Variants in ABCA8 observed in about 807,000 individuals in gnomAD.
ABCA8 encodes the protein ATP binding cassette subfamily A member 8, also known as ABC-type organic anion transporter ABCA8.
A neutral mutation model predicts 192.3 loss-of-function variants in ABCA8; 177 were observed. The ratio of observed to expected loss-of-function variants is 0.92; its 90% CI spans 0.81 to 1.04. The LOEUF (loss-of-function observed/expected upper bound fraction) is 1.04. Among genes scored for constraint, ABCA8 ranks in the 50% least tolerant of loss-of-function variants. ABCA8 has a pLI of 0.00. For synonymous variants in ABCA8, 642 were observed against 690.2 expected (o/e 0.93, Z 1.09); for missense variants, 1,915 against 1,904.8 (o/e 1.01, Z -0.10).
At chr17:68,876,304 C>CTTT in intron 35 of ABCA8, 156 bp downstream of exon 35, 2 of 712,370 alleles carry the variant, frequency 2.8e-6, no homozygotes, top group Non-Finnish European at 4.4e-6. Flanking sequence ...AGGGAAAGAT[C>CTTT]TTTTTTTTTT....
At chr17:68,937,306 A>C (rs1048850693) in intron 4 of ABCA8, among the ~76,000 whole-genome samples, 191 bp from the exon 5 acceptor site, 2 of 152,174 alleles carry the variant, frequency 1.3e-5, no homozygotes, top group Admixed American at 6.5e-5. Flanking sequence ...TGCAATCAGA[A>C]GAAATACATG....
intron 17 of ABCA8, among the ~76,000 whole-genome samples, chr17:68,910,479 A>C: frequency 6.6e-6 from 1 of 152,182 alleles, no homozygotes; most frequent in East Asian, 1.9e-4. Flanking sequence ...CATGGACTAA[A>C]GTGCTCTGGG....
Position 68,929,683 on chromosome 17 carries a change from A to G in ABCA8, c.817T>C (p.Tyr273His), listed in dbSNP as rs573542578. The G allele has an allele frequency of 6.2e-7, 1 of 1,612,584 alleles. No homozygotes were observed. Among genetic ancestry groups the G allele is most frequent in the African/African-American group, 1.3e-5 (1 of 74,912 alleles). ...GCCATAATGAAGATGAAACCAGCAT[A>G]GAGCAAACCCCAGGAGAGCCTAATG... The part of the protein sequence containing the change: ...SAFWLSWGLL[Y>H]AGFIFIMALF... Residue 273 changes from tyrosine (Y) to histidine (H), a missense_variant, in exon 8 of 40, where the codon TAT becomes CAT. Tyr to His is a moderately conservative substitution (Grantham distance 83). Transcript: ENST00000586539.
At chr17:68,923,982 C>T (rs2067618174) in intron 11 of ABCA8, among the ~76,000 whole-genome samples, 1 of 152,186 alleles carries the variant, frequency 6.6e-6, no homozygotes, top group African/African-American at 2.4e-5. Flanking sequence ...GTATCTACCT[C>T]TAGGCCTTTT....
chr17:68,882,023 C>A (rs763841933), intron 30 of ABCA8, 43 bp from the exon 31 acceptor site: 1 of 1,534,338 alleles, frequency 6.5e-7, no homozygotes, highest in East Asian at 2.3e-5. Context: ...TTAATTCTCT[C>A]CATTAGCTTT....
chr17:68,890,289 T>C (rs1463112528), intron 24 of ABCA8, among the ~76,000 whole-genome samples: 3 of 152,082 alleles, frequency 2.0e-5, no homozygotes, highest in African/African-American at 7.2e-5. Flanking sequence ...ATCTTCCTGA[T>C]TGCTCATGAC....
chr17:68,928,626 T>C (rs2067765884), intron 9 of ABCA8, among the ~76,000 whole-genome samples: 1 of 152,188 alleles, frequency 6.6e-6, no homozygotes, highest in South Asian at 2.1e-4. Context: ...GAAAAGACAT[T>C]TTATGAATAG....
intron 21 of ABCA8, among the ~76,000 whole-genome samples, chr17:68,901,095 G>T (rs181072378): frequency 5.9e-5 from 9 of 152,182 alleles, no homozygotes; most frequent in Non-Finnish European, 1.3e-4. Context: ...TTCAATCTCA[G>T]TTGAAAATGT....
intron 17 of ABCA8, among the ~76,000 whole-genome samples, chr17:68,916,686 TAGA>T (rs575235794): frequency 1.3e-3 from 191 of 152,142 alleles, no homozygotes; most frequent in African/African-American, 4.6e-3. Context: ...GGGGAAGATC[TAGA>T]AGGAGTGGAA....
At chr17:68,944,302 C>A (rs1456282065) in intron 2 of ABCA8, among the ~76,000 whole-genome samples, 1 of 106,772 alleles carries the variant, frequency 9.4e-6, no homozygotes, top group Non-Finnish European at 1.9e-5. Context: ...GCACATGTAG[C>A]CCAGAACTTA....
chr17:68,952,467 T>A (rs1236992660), intron 1 of ABCA8, among the ~76,000 whole-genome samples: 1 of 152,172 alleles, frequency 6.6e-6, no homozygotes, highest in African/African-American at 2.4e-5. Context: ...ATCCGCCTGT[T>A]GTTGTGTAGA....
Position 68,929,658 on chromosome 17 carries a change from GC to G in ABCA8, c.841del (p.Ala281ProfsTer8), listed in dbSNP as rs766007136. On this transcript the variant is annotated frameshift_variant, in exon 8 of 40. Coordinates refer to ENST00000586539, the MANE Select transcript of ABCA8 (RefSeq NM_001288985.2). LOFTEE classifies it high-confidence loss of function. ...TCTTATAACAAGTGCCAAGAAAAGGGCCATAATGAAGATGAAACCAGCATAG... is the reference window on the plus strand; with the variant it reads ...TCTTATAACAAGTGCCAAGAAAAGGGCATAATGAAGATGAAACCAGCATAG... ...LLYAGFIFIM[A>X]LFLALVIRST... is the part of the protein sequence containing the mutation. 10 of 1,613,054 alleles carry G rather than the reference GC, an allele frequency of 6.2e-6. No homozygotes were observed. The highest frequency in any genetic ancestry group is 8.5e-6 in the Non-Finnish European group (10 of 1,179,558).
intron 29 of ABCA8, among the ~76,000 whole-genome samples, chr17:68,883,025 A>G (rs958324762): frequency 6.6e-6 from 1 of 152,166 alleles, no homozygotes; most frequent in African/African-American, 2.4e-5. Context: ...CATGGGGAAA[A>G]TGGGCCAGAA....
intron 24 of ABCA8, 59 bp from the exon 25 acceptor site, chr17:68,887,565 A>T: frequency 6.9e-7 from 1 of 1,441,704 alleles, no homozygotes; most frequent in Non-Finnish European, 9.4e-7. Flanking sequence ...GGATTATGCA[A>T]GGAACTATTC....
In ABCA8 at chr17:68,902,871, A is replaced by G. The variant is rs1216462989; in HGVS notation, c.2606T>C (p.Ile869Thr). ...ERKALLALLLILMAGFCPLLV... is the reference protein window; with the variant it reads ...ERKALLALLLTLMAGFCPLLV... ...AAGAGGGCAAAATCCAGCCATTAGA[A>G]TTAATAGCCTACACAAAAGAAAATT... is the stretch of plus-strand genomic sequence containing the variant. Residue 869 changes from isoleucine to threonine, a missense_variant, in exon 21 of 40, where the codon ATT becomes ACT. Coordinates refer to ENST00000586539, the MANE Select transcript of ABCA8 (RefSeq NM_001288985.2). The G allele has an allele frequency of 3.1e-6, 5 of 1,611,380 alleles. No individual in the cohort carries two copies. The South Asian group carries it at 4.4e-5, about 14-fold the overall frequency.
At chr17:68,896,132 CT>C (rs71144633) in intron 21 of ABCA8, among the ~76,000 whole-genome samples, 63,918 of 151,982 alleles carry the variant, frequency 0.42, 14,037 homozygotes, top group East Asian at 0.56. Context: ...AATAAACTGA[CT>C]TTAGTTGGAA....
chr17:68,922,745 A>G (rs1189025035), intron 11 of ABCA8, among the ~76,000 whole-genome samples: 2 of 152,218 alleles, frequency 1.3e-5, no homozygotes, highest in Non-Finnish European at 1.5e-5. Flanking sequence ...ATTAAGAACT[A>G]CAGTAAGAAA....
At chr17:68,902,016 G>A (rs576190011) in intron 21 of ABCA8, among the ~76,000 whole-genome samples, 6 of 152,166 alleles carry the variant, frequency 3.9e-5, no homozygotes, top group Non-Finnish European at 5.9e-5. Flanking sequence ...AGCATTTTTC[G>A]TAATATCCAA....
chr17:68,922,168 A>C, intron 12 of ABCA8, 74 bp downstream of exon 12: 2 of 973,454 alleles, frequency 2.1e-6, no homozygotes, highest in Non-Finnish European at 2.7e-6. Flanking sequence ...CAATACTAAT[A>C]TAACAAATAT....
Sources: gnomAD v4.1 joint callset for allele counts (sites outside exome capture counted in the v4.1 genomes callset) on GRCh38, gnomAD v4.1.1 for gene constraint, MANE v1.5 for transcripts, NCBI Gene and HGNC (gene_info 2026-07-23, HGNC 2026-07-21) for gene names.